SVIL: variants seen among roughly 807,000 people sequenced by gnomAD.
SVIL encodes supervillin, also known as archvillin.
SVIL carries 101 observed loss-of-function variants against 240.4 expected under a neutral mutation model. The observed-to-expected ratio is 0.42, with a 90% confidence interval of 0.36 to 0.50. SVIL has a LOEUF of 0.50. SVIL is among the 20% of genes least tolerant of loss of function. The pLI is 0.01. For synonymous variants in SVIL, 999 were observed against 1,100.0 expected, an observed-to-expected ratio of 0.91 and a Z score of 1.82; for missense variants, 2,512 against 2,818.7, an observed-to-expected ratio of 0.89 and a Z score of 2.46.
chr10:29,598,472 CTGTGGG>C (rs1956682344), intron 1 of SVIL, among the ~76,000 whole-genome samples: 1 of 152,156 alleles, frequency 6.6e-6, no homozygotes, highest in African/African-American at 2.4e-5. Context: ...GGTTCTGAAC[CTGTGGG>C]TGTGGGACTG....
chr10:29,488,062 G>A (rs1356997545), intron 23 of SVIL, among the ~76,000 whole-genome samples: 1 of 152,098 alleles, frequency 6.6e-6, no homozygotes, highest in Non-Finnish European at 1.5e-5. Flanking sequence ...AGACGCCCTG[G>A]TTCATCTTTG....
At chr10:29,579,788 CAAGGGA>C (rs1321674266) in intron 1 of SVIL, among the ~76,000 whole-genome samples, 2 of 152,114 alleles carry the variant, frequency 1.3e-5, no homozygotes, top group Non-Finnish European at 2.9e-5. Flanking sequence ...AGGGCAAAGC[CAAGGGA>C]AAGGGAAGTA....
At chr10:29,657,425 C>G (rs1352391573) in intron 3 of SVIL, among the ~76,000 whole-genome samples, 1 of 152,162 alleles carries the variant, frequency 6.6e-6, no homozygotes, top group Admixed American at 6.5e-5. Flanking sequence ...CAATGCTTTC[C>G]AAACGCACTT....
At chr10:29,613,211 G>A (rs1182500996) in intron 1 of SVIL, among the ~76,000 whole-genome samples, 1 of 151,560 alleles carries the variant, frequency 6.6e-6, no homozygotes, top group Non-Finnish European at 1.5e-5. Context: ...GGAGGGATGC[G>A]GGCCGAATGA....
At chr10:29,487,109 T>A (rs1947478739) in intron 24 of SVIL, 54 bp downstream of exon 24, 4 of 1,594,260 alleles carry the variant, frequency 2.5e-6, no homozygotes, top group African/African-American at 1.3e-5. Flanking sequence ...AGAACACTCC[T>A]CCGGTGCGTA....
At position 29,626,789 on chromosome 10, in the gene SVIL, C is replaced by T. The variant is rs190483042; in HGVS notation, c.-201+7631G>A. 5.6e-4 allele frequency among the ~76,000 whole-genome samples: 85 copies of T among 152,274 alleles called. No homozygotes were observed. In the South Asian group the frequency reaches 9.9e-3, roughly 18 times the overall value. ...CCTGTAATCCTAGCACGTTGGGAAGCGGAGGCGGGTGGATCACGAGGTCAG... is the reference window on the plus strand; with the variant it reads ...CCTGTAATCCTAGCACGTTGGGAAGTGGAGGCGGGTGGATCACGAGGTCAG... On this transcript the variant is annotated intron_variant, in intron 1 of 37. Transcript: ENST00000355867.
intron 1 of SVIL, among the ~76,000 whole-genome samples, chr10:29,718,469 G>T (rs1406332550): frequency 6.6e-6 from 1 of 152,084 alleles, no homozygotes; most frequent in Non-Finnish European, 1.5e-5. Flanking sequence ...CCAGAGCATT[G>T]ACAGCATCTA....
chr10:29,526,040 GGGATATGACCTGAT>G (rs1950877798), intron 13 of SVIL, among the ~76,000 whole-genome samples: 1 of 152,158 alleles, frequency 6.6e-6, no homozygotes, highest in Non-Finnish European at 1.5e-5. Flanking sequence ...GTAAAATGAA[GGGATATGACCTGAT>G]GTGAGGACAT....
At chr10:29,571,414 C>T (rs943096060) in intron 1 of SVIL, among the ~76,000 whole-genome samples, 2 of 152,152 alleles carry the variant, frequency 1.3e-5, no homozygotes, top group Non-Finnish European at 2.9e-5. Context: ...CCTACGGACA[C>T]ACATACAAAG....
intron 1 of SVIL, among the ~76,000 whole-genome samples, chr10:29,734,554 C>T (rs536935343): frequency 1.3e-5 from 2 of 152,292 alleles, no homozygotes; most frequent in Admixed American, 1.3e-4. Context: ...AAATGAAGAG[C>T]CTTCCACATT....
At chr10:29,583,416 C>A (rs1386569567) in intron 1 of SVIL, among the ~76,000 whole-genome samples, 1 of 152,192 alleles carries the variant, frequency 6.6e-6, no homozygotes, top group Non-Finnish European at 1.5e-5. Context: ...CCTCCCACCT[C>A]TGCCTCCTGA....
At position 29,532,257 on chromosome 10, in the gene SVIL, G is replaced by C. The variant is rs111760105; in HGVS notation, c.1839-85C>G. 460 of 1,483,116 alleles carry C rather than the reference G, an allele frequency of 3.1e-4. 4 individuals carry two copies. The African/African-American group carries it at 5.6e-3, about 18-fold the overall frequency. The allele number at this position is 1,483,116 out of a possible 1,614,324, so 91.9% of individuals were successfully genotyped here. On this transcript the variant is annotated intron_variant, in intron 8 of 37. Transcript: ENST00000355867. ...ATGGCAAAGGATTATGCATCTCCGT[G>C]AGTCAAGGGACAGACACCACCAAAC...
chr10:29,556,727 C>T (rs1471742124), intron 3 of SVIL, among the ~76,000 whole-genome samples: 3 of 152,154 alleles, frequency 2.0e-5, no homozygotes, highest in Non-Finnish European at 4.4e-5. Flanking sequence ...ATGGTGCACC[C>T]CGCCATGCGG....
intron 12 of SVIL, among the ~76,000 whole-genome samples, chr10:29,528,978 C>G (rs777695816): frequency 3.8e-4 from 58 of 151,684 alleles, no homozygotes; most frequent in Admixed American, 8.5e-4. Flanking sequence ...GAGTTTGAGA[C>G]CAGCCTGGCC....
chr10:29,650,850 G>T (rs893398836), intron 3 of SVIL, among the ~76,000 whole-genome samples: 4 of 152,192 alleles, frequency 2.6e-5, no homozygotes, highest in African/African-American at 7.2e-5. Context: ...ATGGGAGGCT[G>T]AGGCATGATG....
intron 1 of SVIL, among the ~76,000 whole-genome samples, chr10:29,706,231 C>T (rs550095739): frequency 6.6e-6 from 1 of 152,314 alleles, no homozygotes; most frequent in East Asian, 1.9e-4. Context: ...TGAGGAATCA[C>T]CATACTGTCT....
intron 1 of SVIL, among the ~76,000 whole-genome samples, chr10:29,707,844 T>A (rs1962998116): frequency 6.6e-6 from 1 of 152,080 alleles, no homozygotes; most frequent in Non-Finnish European, 1.5e-5. Context: ...ACTATTATCA[T>A]CCCCATTTCA....
At chr10:29,613,882 T>C (rs1957339545) in intron 1 of SVIL, among the ~76,000 whole-genome samples, 1 of 152,236 alleles carries the variant, frequency 6.6e-6, no homozygotes, top group Non-Finnish European at 1.5e-5. Flanking sequence ...ATAATCACCT[T>C]ACATATGAAT....
chr10:29,629,064 A>C (rs1957984616), intron 1 of SVIL, among the ~76,000 whole-genome samples: 1 of 152,110 alleles, frequency 6.6e-6, no homozygotes, highest in African/African-American at 2.4e-5. Flanking sequence ...AGAGCTCCTG[A>C]TCAGTGCTGA....
Sources: gnomAD v4.1 joint callset for allele counts (sites outside exome capture counted in the v4.1 genomes callset) on GRCh38, gnomAD v4.1.1 for gene constraint, MANE v1.5 for transcripts, NCBI Gene and HGNC (gene_info 2026-07-23, HGNC 2026-07-21) for gene names.